UBTD2: variants seen among roughly 807,000 people sequenced by gnomAD.
UBTD2 encodes ubiquitin domain containing 2.
In UBTD2, 9 loss-of-function variants were observed where a neutral mutation model predicts 19.8. That is an observed-to-expected ratio of 0.46 (90% CI 0.27 to 0.79). The LOEUF is 0.79. Among genes scored for constraint, UBTD2 ranks in the 30% least tolerant of loss-of-function variants. The pLI is 0.14. For missense variants in UBTD2, 250 were observed against 300.4 expected, an observed-to-expected ratio of 0.83 and a Z score of 1.24; for synonymous variants, 98 against 103.9, an observed-to-expected ratio of 0.94 and a Z score of 0.35.
At position 172,283,510 on chromosome 5, in the gene UBTD2, C is replaced by G. The variant is rs1755767718; in HGVS notation, c.70+86G>C. 3 of 1,089,994 alleles carry G rather than the reference C, an allele frequency of 2.8e-6. No individual in the cohort carries two copies. The highest frequency in any genetic ancestry group is 3.9e-5 in the South Asian group (1 of 25,452). The allele number at this position is 1,089,994 out of a possible 1,614,324, so 67.5% of individuals were successfully genotyped here. On this transcript the variant is annotated intron_variant, in intron 1 of 2. Coordinates refer to ENST00000393792, the MANE Select transcript of UBTD2 (RefSeq NM_152277.3). The surrounding 1 kb of genome is among the most constrained non-coding windows in gnomAD (Gnocchi z 4.3). The stretch of plus-strand genomic sequence containing the variant: ...GGGATGACAAAGGGGCGCGGGGGCC[C>G]GGCGCGGCCCGCGGGGGTCGGGACA...
At chr5:172,247,391 C>A (rs1754902699) in intron 1 of UBTD2, among the ~76,000 whole-genome samples, 2 of 151,876 alleles carry the variant, frequency 1.3e-5, no homozygotes, top group African/African-American at 2.4e-5. Context: ...GTGGCTCACA[C>A]CTGTAATCCC....
chr5:172,239,246 T>C (rs1318664142), intron 1 of UBTD2, among the ~76,000 whole-genome samples: 4 of 152,194 alleles, frequency 2.6e-5, no homozygotes, highest in African/African-American at 9.6e-5. Flanking sequence ...GTAACAAGGA[T>C]GGCTTAAAAT....
At chr5:172,213,515 C>T (rs966502658) in intron 2 of UBTD2, among the ~76,000 whole-genome samples, 9 of 152,208 alleles carry the variant, frequency 5.9e-5, no homozygotes, top group African/African-American at 1.9e-4. Context: ...AGGGCTATGA[C>T]ATAACGAGCT....
intron 2 of UBTD2, among the ~76,000 whole-genome samples, chr5:172,217,431 AAAAAAG>A (rs1470390118): frequency 6.6e-6 from 1 of 151,974 alleles, no homozygotes; most frequent in Non-Finnish European, 1.5e-5. Context: ...AAAAAAAAAA[AAAAAAG>A]AAAGAAAGAA....
intron 1 of UBTD2, chr5:172,254,828 T>G: frequency 1.8e-6 from 1 of 555,714 alleles, no homozygotes; most frequent in South Asian, 2.1e-5. Flanking sequence ...AATTTTTTTC[T>G]CTGGTACAGG....
chr5:172,282,885 T>C (rs1298477655), intron 1 of UBTD2, among the ~76,000 whole-genome samples: 8 of 152,182 alleles, frequency 5.3e-5, no homozygotes, highest in Non-Finnish European at 1.2e-4. Context: ...ACTGCACTTG[T>C]ACTTTTATCC....
chr5:172,254,814 T>C, intron 1 of UBTD2: 1 of 550,788 alleles, frequency 1.8e-6, no homozygotes, highest in South Asian at 2.1e-5. Flanking sequence ...CCAGGTTCTA[T>C]TTTAATTTTT....
At chr5:172,257,535 G>A (rs1240007368) in intron 1 of UBTD2, among the ~76,000 whole-genome samples, 2 of 152,150 alleles carry the variant, frequency 1.3e-5, no homozygotes, top group Non-Finnish European at 2.9e-5. Flanking sequence ...GGTAGTTCTG[G>A]TTTAAGTTAT....
At chr5:172,218,760 G>A (rs1172394183) in intron 2 of UBTD2, among the ~76,000 whole-genome samples, 1 of 132,970 alleles carries the variant, frequency 7.5e-6, no homozygotes, top group East Asian at 2.1e-4. Flanking sequence ...TGGGCAAAGA[G>A]TCAGACCCTG....
intron 1 of UBTD2, among the ~76,000 whole-genome samples, chr5:172,252,087 C>T (rs1270489976): frequency 6.6e-6 from 1 of 152,180 alleles, no homozygotes; most frequent in Non-Finnish European, 1.5e-5. Flanking sequence ...GATCATAGAA[C>T]TAAACAGTAT....
chr5:172,262,445 C>A (rs796621469), intron 1 of UBTD2, among the ~76,000 whole-genome samples: 7 of 83,096 alleles, frequency 8.4e-5, no homozygotes, highest in Admixed American at 4.0e-4. Context: ...GACAGATCCA[C>A]CAAAAAAAAA....
chr5:172,258,736 T>G (rs1256331454), intron 1 of UBTD2, among the ~76,000 whole-genome samples: 1 of 152,196 alleles, frequency 6.6e-6, no homozygotes, highest in East Asian at 1.9e-4. Context: ...CAGAACTGTA[T>G]TCTTGATTTA....
Position 172,218,901 on chromosome 5 carries a change from C to G in UBTD2, c.308-6674G>C, listed in dbSNP as rs10050457. On this transcript the variant is annotated intron_variant, in intron 2 of 2. Coordinates refer to ENST00000393792, the MANE Select transcript of UBTD2 (RefSeq NM_152277.3). ...GGTCAATAAAATTGGTAAGCCTCTA[C>G]CCAGGCTAGCCAAGAAAAAAAGAGG... is the stretch of plus-strand genomic sequence containing the variant. Among the ~76,000 whole-genome samples, 4 of 151,010 alleles carry G rather than the reference C, an allele frequency of 2.6e-5. No homozygotes were observed. In the East Asian group the frequency reaches 5.8e-4, roughly 22 times the overall value.
upstream of UBTD2, chr5:172,283,779 G>T: frequency 1.5e-6 from 1 of 688,832 alleles, no homozygotes; most frequent in Non-Finnish European, 1.9e-6. This position sits in a 1 kb window ranked among gnomAD's most constrained non-coding sequence, Gnocchi z 4.3. Flanking sequence ...GCGCCGCTCC[G>T]CTCGCCCGCC....
At chr5:172,230,443 T>C (rs1270390050) in intron 2 of UBTD2, among the ~76,000 whole-genome samples, 2 of 152,228 alleles carry the variant, frequency 1.3e-5, no homozygotes, top group African/African-American at 4.8e-5. Context: ...TCATCAGCAC[T>C]ACTATTTATT....
intron 1 of UBTD2, among the ~76,000 whole-genome samples, chr5:172,248,946 AG>A (rs113958943): frequency 0.074 from 11,256 of 151,482 alleles, 453 homozygotes; most frequent in South Asian, 0.12. Flanking sequence ...TTGGGGGGGA[AG>A]AAAATTAGAG....
At chr5:172,282,780 TCCTCAG>T (rs1199151671) in intron 1 of UBTD2, among the ~76,000 whole-genome samples, 2 of 152,210 alleles carry the variant, frequency 1.3e-5, no homozygotes, top group African/African-American at 4.8e-5. Context: ...AAAATACCTA[TCCTCAG>T]CACGCTTTTA....
At chr5:172,267,062 T>G (rs10063708) in intron 1 of UBTD2, among the ~76,000 whole-genome samples, 47,596 of 143,880 alleles carry the variant, frequency 0.33, 7,866 homozygotes, top group South Asian at 0.44. Flanking sequence ...AAAAAAAAAG[T>G]TTTTTCCTAG....
chr5:172,250,007 G>C (rs559730478), intron 1 of UBTD2, among the ~76,000 whole-genome samples: 1 of 152,264 alleles, frequency 6.6e-6, no homozygotes, highest in African/African-American at 2.4e-5. Context: ...TTGATCATCT[G>C]AGGTCAGGAG....
Sources: allele counts gnomAD v4.1 joint callset (sites outside exome capture counted in the v4.1 genomes callset), GRCh38; gene constraint gnomAD v4.1.1; non-coding constraint Gnocchi (gnomAD v3.1); transcripts MANE v1.5; gene names NCBI Gene and HGNC (gene_info 2026-07-23, HGNC 2026-07-21).